ZFAND4: variants seen among roughly 807,000 people sequenced by gnomAD.
The protein encoded by ZFAND4 is zinc finger AN1-type containing 4, also known as AN1-type zinc finger protein 4.
In ZFAND4, 43 loss-of-function variants were observed where a neutral mutation model predicts 64.4. The observed-to-expected ratio is 0.67, with a 90% CI of 0.52 to 0.86. ZFAND4 has a LOEUF of 0.86. Among genes scored for constraint, ZFAND4 ranks in the 40% least tolerant of loss-of-function variants. The pLI, the probability that ZFAND4 is intolerant of heterozygous loss-of-function variation, is 0.00. For synonymous variants in ZFAND4, 296 were observed against 305.7 expected (o/e 0.97, Z 0.33); for missense variants, 929 against 859.8 (o/e 1.08, Z -1.01).
Position 45,653,705 on chromosome 10 carries a change from A to T in ZFAND4, c.185-646T>A, listed in dbSNP as rs551461732. Among the ~76,000 whole-genome samples, 42 of 152,304 alleles carry T rather than the reference A, an allele frequency of 2.8e-4. No homozygotes were observed. In the South Asian group the frequency reaches 8.5e-3, roughly 31 times the overall value. ...CAAGGTTGAGGAGAACAGGGAACGC[A>T]TACACTGCTGGTGGGAATGCAAATT... On this transcript the variant is annotated intron_variant, in intron 2 of 9. Transcript: ENST00000344646.
intron 1 of ZFAND4, among the ~76,000 whole-genome samples, chr10:45,671,900 T>C (rs2049223782): frequency 6.6e-6 from 1 of 151,796 alleles, no homozygotes; most frequent in Non-Finnish European, 1.5e-5. Context: ...ACTCCAAGGA[T>C]GAAATGGAAG....
chr10:45,648,552 AAATAAGTCTTC>A lies in ZFAND4; in HGVS notation c.329-29_329-19del. ...TGTAGGAACTACAAATGGAAAATTGAAATAAGTCTTCAATTTGGATCAAGTTTTATGCATCT... is the reference window on the plus strand; with the variant it reads ...TGTAGGAACTACAAATGGAAAATTGAAATTTGGATCAAGTTTTATGCATCT... On this transcript the variant is annotated intron_variant, in intron 4 of 9. Transcript: ENST00000344646. The A allele has an allele frequency of 6.3e-7, 1 of 1,582,936 alleles. No individual in the cohort carries two copies. The highest frequency in any genetic ancestry group is 1.2e-5 in the South Asian group (1 of 85,578).
chr10:45,628,227 A>G (rs2133588215), intron 6 of ZFAND4, among the ~76,000 whole-genome samples: 1 of 152,348 alleles, frequency 6.6e-6, no homozygotes, highest in African/African-American at 2.4e-5. Flanking sequence ...ATATATGAAA[A>G]TATAAGAAAA....
intron 2 of ZFAND4, among the ~76,000 whole-genome samples, chr10:45,653,478 G>A (rs559187656): frequency 7.2e-5 from 11 of 152,008 alleles, no homozygotes; most frequent in African/African-American, 2.7e-4. Context: ...AACAAACAAA[G>A]AACAACCCCA....
rs2047860208 is a variant in ZFAND4, at chr10:45,653,003, A to G, written c.241T>C (p.Tyr81His). Residue 81 changes from tyrosine (Y) to histidine (H), a missense_variant, in exon 3 of 10, where the codon TAT becomes CAT. Transcript: ENST00000344646. ...IWNNMELENDYCLNDYNISEG... is the reference protein window; with the variant it reads ...IWNNMELENDHCLNDYNISEG... Reference sequence around the variant, plus strand: ...ACTCACTTGTAATCATTCAAGCAATAATCATTTTCAAGTTCCATGTTATTC... The same window carrying G: ...ACTCACTTGTAATCATTCAAGCAATGATCATTTTCAAGTTCCATGTTATTC... 6.2e-7 allele frequency: 1 copy of G among 1,612,338 alleles called. No homozygotes were observed. The highest frequency in any genetic ancestry group is 8.5e-7 in the Non-Finnish European group (1 of 1,178,998).
intron 9 of ZFAND4, among the ~76,000 whole-genome samples, 192 bp from the exon 10 acceptor site, chr10:45,616,763 C>T (rs76251295): frequency 0.06 from 9,110 of 152,104 alleles, 399 homozygotes; most frequent in African/African-American, 0.12. Context: ...TAATTATCTA[C>T]GAATATGACA....
chr10:45,634,043 T>C (rs2046389290), intron 6 of ZFAND4, among the ~76,000 whole-genome samples: 1 of 152,142 alleles, frequency 6.6e-6, no homozygotes, highest in Non-Finnish European at 1.5e-5. Flanking sequence ...TAAATGAGTA[T>C]GGTAACTGTA....
At chr10:45,648,620 T>C (rs2047553089) in intron 4 of ZFAND4, 86 bp from the exon 5 acceptor site, 1 of 1,419,594 alleles carries the variant, frequency 7.0e-7, no homozygotes, top group Admixed American at 2.4e-5. Context: ...TATACTGAAT[T>C]TGAACAACAG....
At chr10:45,656,501 CAA>C (rs541781976) in intron 2 of ZFAND4, among the ~76,000 whole-genome samples, 1 of 24,712 alleles carries the variant, frequency 4.0e-5, no homozygotes, top group African/African-American at 1.9e-4. Flanking sequence ...GAACCTGTCT[CAA>C]AAAAAAAAAA....
chr10:45,617,054 G>T (rs2045024600), intron 9 of ZFAND4, among the ~76,000 whole-genome samples: 1 of 150,894 alleles, frequency 6.6e-6, no homozygotes, highest in Admixed American at 6.6e-5. Context: ...CTCCAGCCTG[G>T]TGACAGAGCG....
At chr10:45,640,453 A>C in intron 5 of ZFAND4, 1 of 1,204,564 alleles carries the variant, frequency 8.3e-7, no homozygotes, top group Non-Finnish European at 1.1e-6. Context: ...GAATTCATAC[A>C]CAGGTGTCAT....
chr10:45,616,588 G>A lies in ZFAND4; in HGVS notation c.2049-17C>T, dbSNP rs1222175246. On this transcript the variant is annotated splice_polypyrimidine_tract_variant and intron_variant, in intron 9 of 9. Coordinates refer to ENST00000344646, the MANE Select transcript of ZFAND4 (RefSeq NM_174890.4). ...TTTCCACATCTAAAGCACAAAAAAA[G>A]TTTACGTGAATAGTTGTATTTCTAT... 6 of 1,613,470 alleles carry A rather than the reference G, an allele frequency of 3.7e-6. No individual in the cohort carries two copies. Among genetic ancestry groups the A allele is most frequent in the South Asian group, 3.3e-5 (3 of 90,994 alleles).
chr10:45,633,815 C>T (rs1210575464), intron 6 of ZFAND4, among the ~76,000 whole-genome samples: 1 of 152,060 alleles, frequency 6.6e-6, no homozygotes, highest in Non-Finnish European at 1.5e-5. Flanking sequence ...GAATATTTTA[C>T]AAAACAACTG....
chr10:45,664,839 G>A (rs569204003), intron 1 of ZFAND4, among the ~76,000 whole-genome samples: 1 of 152,162 alleles, frequency 6.6e-6, no homozygotes, highest in East Asian at 2.0e-4. Context: ...GCTGAGGCAG[G>A]AGAATGGCGT....
In ZFAND4 at chr10:45,619,775, T is replaced by A. The variant is rs373429309; in HGVS notation, c.1928-1515A>T. On this transcript the variant is annotated intron_variant, in intron 8 of 9. Coordinates refer to ENST00000344646, the MANE Select transcript of ZFAND4 (RefSeq NM_174890.4). Reference sequence around the variant, plus strand: ...AATTAAATCTTCTTTATTACCAGTATAAAATACACTTCCAGATCTTGCCAA... The same window carrying A: ...AATTAAATCTTCTTTATTACCAGTAAAAAATACACTTCCAGATCTTGCCAA... Among the ~76,000 whole-genome samples the A allele has an allele frequency of 2.0e-4, 31 of 152,272 alleles. 1 individual carries two copies. The South Asian group carries it at 5.2e-3, about 25-fold the overall frequency.
At chr10:45,622,158 C>T (rs1025193862) in intron 8 of ZFAND4, among the ~76,000 whole-genome samples, 4 of 152,140 alleles carry the variant, frequency 2.6e-5, no homozygotes, top group African/African-American at 9.7e-5. Flanking sequence ...AAAACAGACA[C>T]ATAGACCAAT....
rs536922598 is a variant in ZFAND4, at chr10:45,668,921, C to A, written c.-118+3329G>T. 7.2e-4 allele frequency among the ~76,000 whole-genome samples: 110 copies of A among 152,274 alleles called. 1 individual carries two copies. The highest frequency in any genetic ancestry group is 1.2e-3 in the Non-Finnish European group (80 of 68,034). ...GCAGTGTGTACAGGGAAATTTATAG[C>A]ACTAAATGCCCACAAGAGAAAGCAG... On this transcript the variant is annotated intron_variant, in intron 1 of 9. Coordinates refer to ENST00000344646, the MANE Select transcript of ZFAND4 (RefSeq NM_174890.4).
intron 6 of ZFAND4, among the ~76,000 whole-genome samples, chr10:45,631,966 T>G (rs921996032): frequency 2.6e-5 from 4 of 152,194 alleles, no homozygotes; most frequent in Admixed American, 1.3e-4. Context: ...ATTCAAGAAT[T>G]ACTGTACCTA....
Position 45,653,012 on chromosome 10 carries a change from C to A in ZFAND4, c.232G>T (p.Glu78Ter). 1 of 1,612,292 alleles carries A rather than the reference C, an allele frequency of 6.2e-7. No homozygotes were observed. Among genetic ancestry groups the A allele is most frequent in the Non-Finnish European group, 8.5e-7 (1 of 1,179,128 alleles). ...TAATCATTCAAGCAATAATCATTTT[C>A]AAGTTCCATGTTATTCCAAATTAAG... The part of the protein sequence containing the change: ...QHLIWNNMEL[E>*]NDYCLNDYNI... Residue 78 changes from glutamate to a stop codon, truncating the protein, a stop_gained, in exon 3 of 10, where the codon GAA becomes TAA. Transcript: ENST00000344646. LOFTEE classifies it high-confidence loss of function.
Sources: allele counts gnomAD v4.1 joint callset (sites outside exome capture counted in the v4.1 genomes callset), GRCh38; gene constraint gnomAD v4.1.1; transcripts MANE v1.5; gene names NCBI Gene and HGNC (gene_info 2026-07-23, HGNC 2026-07-21).